Variants in CEP83 observed in about 807,000 individuals in gnomAD.
CEP83 encodes the protein centrosomal protein 83.
In CEP83, 70 loss-of-function variants were observed where a neutral mutation model predicts 101.9. The observed-to-expected ratio is 0.69, with a 90% CI of 0.57 to 0.84. CEP83 has a LOEUF of 0.84. Among genes scored for constraint, CEP83 ranks in the 40% least tolerant of loss-of-function variants. The pLI, the probability that CEP83 is intolerant of heterozygous loss-of-function variation, is 0.00. For synonymous variants in CEP83, 264 were observed against 267.9 expected (o/e 0.99, Z 0.14); for missense variants, 715 against 787.2 (o/e 0.91, Z 1.10).
At chr12:94,398,733 T>C (rs1481470270) in intron 6 of CEP83, among the ~76,000 whole-genome samples, 2 of 152,182 alleles carry the variant, frequency 1.3e-5, no homozygotes, top group Non-Finnish European at 2.9e-5. Context: ...AGAGAGCCTA[T>C]AAACAGACAT....
intron 11 of CEP83, among the ~76,000 whole-genome samples, chr12:94,340,762 G>C (rs976921424): frequency 6.6e-6 from 1 of 152,140 alleles, no homozygotes; most frequent in Non-Finnish European, 1.5e-5. Context: ...TTAAACTTGA[G>C]TTTGCTAACA....
At chr12:94,407,376 C>A (rs1455008762) in intron 4 of CEP83, among the ~76,000 whole-genome samples, 1 of 152,134 alleles carries the variant, frequency 6.6e-6, no homozygotes, top group African/African-American at 2.4e-5. Context: ...AGCCAAAAAA[C>A]CAGACAAAGT....
rs371842623 is a variant in CEP83, at chr12:94,323,234, T to C, written c.1707+8466A>G. Among the ~76,000 whole-genome samples the C allele has an allele frequency of 5.9e-5, 9 of 152,086 alleles. No individual in the cohort carries two copies. In the South Asian group the frequency reaches 1.5e-3, roughly 25 times the overall value. ...GGTCTAACGTCCTGCTTGGCTGGAG[T>C]TGCAGTTGCTTTTGATGGGAAACCT... is the stretch of plus-strand genomic sequence containing the variant. On this transcript the variant is annotated intron_variant, in intron 14 of 16. Transcript: ENST00000397809.
At chr12:94,380,108 A>G (rs1178910382) in intron 6 of CEP83, among the ~76,000 whole-genome samples, 2 of 151,920 alleles carry the variant, frequency 1.3e-5, no homozygotes, top group Non-Finnish European at 2.9e-5. Flanking sequence ...CAAAAACAGA[A>G]AAAACTAAAG....
At chr12:94,329,453 G>A (rs2059115665) in intron 14 of CEP83, among the ~76,000 whole-genome samples, 1 of 151,910 alleles carries the variant, frequency 6.6e-6, no homozygotes, top group Non-Finnish European at 1.5e-5. Context: ...TATAGAGATG[G>A]GGTCTGGCTA....
chr12:94,409,516 G>A (rs2063751198), intron 4 of CEP83, among the ~76,000 whole-genome samples: 1 of 152,140 alleles, frequency 6.6e-6, no homozygotes, highest in Non-Finnish European at 1.5e-5. Context: ...AAGTTCACCA[G>A]GTTCTCTAGC....
chr12:94,362,554 T>C (rs989451834), intron 11 of CEP83, among the ~76,000 whole-genome samples: 12 of 152,046 alleles, frequency 7.9e-5, no homozygotes, highest in African/African-American at 2.7e-4. Flanking sequence ...AGAGAATCAC[T>C]TGAACCTGGG....
intron 6 of CEP83, among the ~76,000 whole-genome samples, chr12:94,384,249 C>T (rs2062008476): frequency 6.6e-6 from 1 of 152,132 alleles, no homozygotes; most frequent in South Asian, 2.1e-4. Context: ...TATCTTTCAG[C>T]ACTTGATAAT....
chr12:94,297,574 C>T, the CEP83 span: 1 of 618,596 alleles, frequency 1.6e-6, no homozygotes, highest in East Asian at 2.8e-5. Flanking sequence ...ACTTCCTACC[C>T]AGTTCCTCTT....
chr12:94,383,048 CACAT>C (rs1213115893), intron 6 of CEP83, among the ~76,000 whole-genome samples: 3 of 152,066 alleles, frequency 2.0e-5, no homozygotes, highest in Non-Finnish European at 4.4e-5. Flanking sequence ...ACCTCTGGTG[CACAT>C]ACATTTAGTA....
At chr12:94,414,533 T>C (rs1407292615) in intron 2 of CEP83, among the ~76,000 whole-genome samples, 2 of 152,188 alleles carry the variant, frequency 1.3e-5, no homozygotes, top group Non-Finnish European at 2.9e-5. Context: ...ACAAAGTACT[T>C]TCCAATTAAG....
chr12:94,277,977 A>C, the CEP83 span: 1 of 456,074 alleles, frequency 2.2e-6, no homozygotes, highest in South Asian at 1.5e-5. Flanking sequence ...GGCAAATCAG[A>C]CATTGCCTCC....
chr12:94,445,825 T>A (rs2066758914), intron 1 of CEP83, among the ~76,000 whole-genome samples: 1 of 152,200 alleles, frequency 6.6e-6, no homozygotes, highest in Non-Finnish European at 1.5e-5. Context: ...AGTATGGGTG[T>A]GTATTTAAGT....
At chr12:94,343,470 CTTTTTTTTTTT>C (rs1161481202) in intron 11 of CEP83, among the ~76,000 whole-genome samples, 42 of 84,176 alleles carry the variant, frequency 5.0e-4, no homozygotes, top group East Asian at 2.9e-3. Context: ...TAGAAATTAA[CTTTTTTTTTTT>C]TTTTTTTTTT....
chr12:94,278,698 A>T, the CEP83 span, among the ~76,000 whole-genome samples: 4 of 152,178 alleles, frequency 2.6e-5, no homozygotes, highest in Non-Finnish European at 5.9e-5. Flanking sequence ...GCTGCATATT[A>T]AAAAAGTGAC....
At chr12:94,272,571 G>A in the CEP83 span, among the ~76,000 whole-genome samples, 4 of 152,172 alleles carry the variant, frequency 2.6e-5, no homozygotes, top group Non-Finnish European at 5.9e-5. Flanking sequence ...GTCACAAGAT[G>A]GCTGCCACCG....
chr12:94,318,648 T>C (rs1971104764), intron 14 of CEP83, among the ~76,000 whole-genome samples: 1 of 152,182 alleles, frequency 6.6e-6, no homozygotes, highest in Admixed American at 6.6e-5. Flanking sequence ...TCAAAAGCCT[T>C]TTCTACATCT....
chr12:94,398,743 T>A (rs2063060513), intron 6 of CEP83, among the ~76,000 whole-genome samples: 1 of 152,146 alleles, frequency 6.6e-6, no homozygotes, highest in Admixed American at 6.6e-5. Context: ...TAAACAGACA[T>A]GCAATAAGGA....
chr12:94,454,499 A>G (rs991863782), intron 1 of CEP83, among the ~76,000 whole-genome samples: 31 of 152,204 alleles, frequency 2.0e-4, no homozygotes, highest in African/African-American at 5.8e-4. Context: ...CGGACCAATC[A>G]GCACTCTGTA....
Sources: gnomAD v4.1 joint callset for allele counts (sites outside exome capture counted in the v4.1 genomes callset) on GRCh38, gnomAD v4.1.1 for gene constraint, MANE v1.5 for transcripts, NCBI Gene and HGNC (gene_info 2026-07-23, HGNC 2026-07-21) for gene names.